Variants in ZNF236 observed in about 807,000 individuals in gnomAD.
ZNF236 encodes the protein regulated by glucose.
In ZNF236, 50 loss-of-function variants were observed where a neutral mutation model predicts 191.2. The ratio of observed to expected loss-of-function variants is 0.26; its 90% confidence interval spans 0.21 to 0.33. ZNF236 has a LOEUF of 0.33. Ranked by LOEUF, ZNF236 falls within the 10% of genes least tolerant of loss-of-function variation. The pLI, the probability that ZNF236 is intolerant of heterozygous loss-of-function variation, is 1.00. For missense variants in ZNF236, 1,754 were observed against 2,374.5 expected, an observed-to-expected ratio of 0.74 and a Z score of 5.43; for synonymous variants, 907 against 928.8, an observed-to-expected ratio of 0.98 and a Z score of 0.43.
intron 3 of ZNF236, among the ~76,000 whole-genome samples, chr18:76,864,197 T>C (rs1392415355): frequency 1.9e-5 from 2 of 106,364 alleles, no homozygotes; most frequent in Non-Finnish European, 3.8e-5. Context: ...AACAAATATC[T>C]TTTTTTTTTT....
At chr18:76,895,960 G>A (rs972132361) in intron 10 of ZNF236, among the ~76,000 whole-genome samples, 2 of 151,878 alleles carry the variant, frequency 1.3e-5, no homozygotes, top group South Asian at 4.2e-4. Flanking sequence ...CCACACACAA[G>A]TATGGCCCGC....
chr18:76,833,394 G>GT (rs1326672220), intron 1 of ZNF236, among the ~76,000 whole-genome samples: 9 of 152,128 alleles, frequency 5.9e-5, no homozygotes, highest in Admixed American at 2.0e-4. Context: ...ATTTTGCTAA[G>GT]TTTTTTATCA....
intron 1 of ZNF236, 21 bp from the exon 2 acceptor site, chr18:76,849,505 T>G: frequency 6.3e-7 from 1 of 1,591,422 alleles, no homozygotes; most frequent in Non-Finnish European, 8.5e-7. Flanking sequence ...ATTTATTGTC[T>G]ATACTTATGC....
rs200171365 is a variant in ZNF236 at position 76,846,207 on chromosome 18, CTTCCAAAGTGCTGGCA to C, written c.56-3316_56-3301del. 3.0e-3 allele frequency among the ~76,000 whole-genome samples: 459 copies of C among 152,362 alleles called. 18 individuals are homozygous for C. The East Asian group carries it at 0.077, about 26-fold the overall frequency. On this transcript the variant is annotated intron_variant, in intron 1 of 30. Coordinates refer to ENST00000320610, the MANE Select transcript of ZNF236 (RefSeq NM_001306089.2). ...CCTCAAGCAGTTCTTCTGCCTCCACCTTCCAAAGTGCTGGCATTACAGACATGAGCCACCATGCCCA... is the reference window on the plus strand; with the variant it reads ...CCTCAAGCAGTTCTTCTGCCTCCACCTTACAGACATGAGCCACCATGCCCA...
At chr18:76,946,824 T>C (rs977950134) in intron 26 of ZNF236, among the ~76,000 whole-genome samples, 18 of 152,250 alleles carry the variant, frequency 1.2e-4, no homozygotes, top group African/African-American at 4.3e-4. Context: ...TGTATATGTG[T>C]TTCTAAGCAA....
intron 1 of ZNF236, among the ~76,000 whole-genome samples, chr18:76,829,549 A>G (rs1975109929): frequency 6.6e-6 from 1 of 152,106 alleles, no homozygotes. Context: ...GCTGGTCTCA[A>G]CTTCCTGGAC....
At chr18:76,844,482 TCAAC>T (rs1413286899) in intron 1 of ZNF236, among the ~76,000 whole-genome samples, 2 of 152,112 alleles carry the variant, frequency 1.3e-5, no homozygotes, top group African/African-American at 2.4e-5. Context: ...GTGAGGAAGA[TCAAC>T]CATATGTTAG....
At position 76,895,439 on chromosome 18, in the gene ZNF236, G is replaced by A. The variant is rs1568217196; in HGVS notation, c.1690+154G>A. 10 of 1,074,662 alleles carry A rather than the reference G, an allele frequency of 9.3e-6. No homozygotes were observed. The South Asian group carries it at 1.4e-4, about 15-fold the overall frequency. The allele number at this position is 1,074,662 out of a possible 1,614,324, so 66.6% of individuals were successfully genotyped here. On this transcript the variant is annotated intron_variant, in intron 10 of 30. Transcript: ENST00000320610. ...GGGACTGCACAAAGTATCACACACA[G>A]TACTGCACGTAAGTGTGGCCCGCAA...
At chr18:76,831,945 A>G (rs1410196406) in intron 1 of ZNF236, among the ~76,000 whole-genome samples, 1 of 152,196 alleles carries the variant, frequency 6.6e-6, no homozygotes, top group Non-Finnish European at 1.5e-5. Context: ...TCTTTTAAAG[A>G]TACCTTCTAA....
Position 76,895,153 on chromosome 18 carries a change from G to A in ZNF236, c.1558G>A (p.Ala520Thr), listed in dbSNP as rs773907012. 48 of 1,608,842 alleles carry A rather than the reference G, an allele frequency of 3.0e-5. No homozygotes were observed. The highest frequency in any genetic ancestry group is 3.3e-4 in the Middle Eastern group (2 of 6,084). ...CTTCAAGTGCCCGCAGTGCTTCCGC[G>A]CCTTCGCCGTGAAGAGCACGCTGAC... is the stretch of plus-strand genomic sequence containing the variant. ...KPFKCPQCFR[A>T]FAVKSTLTAH... The change falls in exon 10 of 31, where the codon GCC (alanine) becomes ACC (threonine). Residue 520 changes from alanine (A) to threonine (T), a missense_variant. This residue lies in a region of ZNF236 where 641 missense variants were observed against 869.6 expected (regional missense o/e 0.74). Transcript: ENST00000320610.
intron 16 of ZNF236, 25 bp downstream of exon 16, chr18:76,910,836 A>T (rs1967200157): frequency 6.2e-7 from 1 of 1,611,874 alleles, no homozygotes. Flanking sequence ...AGGGGTGCAT[A>T]CATGGCAGTA....
chr18:76,935,844 C>A, intron 25 of ZNF236: 1 of 368,272 alleles, frequency 2.7e-6, no homozygotes, highest in South Asian at 2.0e-5. Context: ...CAAGGCCACA[C>A]TCCTCGGGCT....
At chr18:76,921,966 A>G (rs1323104465) in intron 20 of ZNF236, among the ~76,000 whole-genome samples, 2 of 152,142 alleles carry the variant, frequency 1.3e-5, no homozygotes, top group Non-Finnish European at 2.9e-5. Context: ...TGCTCCCCAG[A>G]GATAAGCACT....
intron 1 of ZNF236, among the ~76,000 whole-genome samples, chr18:76,829,618 C>T (rs1357258556): frequency 1.3e-5 from 2 of 152,178 alleles, no homozygotes; most frequent in Non-Finnish European, 2.9e-5. Flanking sequence ...TGAGCCATGG[C>T]ACCCAGCCGG....
intron 1 of ZNF236, among the ~76,000 whole-genome samples, chr18:76,823,125 C>T (rs1398628502): frequency 6.6e-6 from 1 of 151,562 alleles, no homozygotes; most frequent in Admixed American, 6.6e-5. Context: ...GACGGCGCCC[C>T]CGCCCGACCC....
intron 3 of ZNF236, among the ~76,000 whole-genome samples, chr18:76,857,036 T>C (rs1393847475): frequency 6.6e-6 from 1 of 152,114 alleles, no homozygotes; most frequent in Non-Finnish European, 1.5e-5. Context: ...CCGCAGGGCC[T>C]CCCTGCCTCC....
At position 76,972,459 on chromosome 18, in the gene ZNF236, A is replaced by G. The variant is rs1287288152; in HGVS notation, c.*4120A>G. On this transcript the variant is annotated 3_prime_UTR_variant, in exon 31 of 31. Transcript: ENST00000320610. The stretch of plus-strand genomic sequence containing the variant: ...CACTCACCCACACACTCACCCTCAC[A>G]CTCACCCACACACCCTCACACTCAC... Among the ~76,000 whole-genome samples, 2 of 150,718 alleles carry G rather than the reference A, an allele frequency of 1.3e-5. No individual in the cohort carries two copies. Among genetic ancestry groups the G allele is most frequent in the African/African-American group, 4.9e-5 (2 of 40,916 alleles).
At chr18:76,965,666 A>G (rs1968753609) in intron 30 of ZNF236, among the ~76,000 whole-genome samples, 2 of 152,206 alleles carry the variant, frequency 1.3e-5, no homozygotes, top group Admixed American at 6.5e-5. Context: ...TTCTTGGTCT[A>G]GCCGCCCAGC....
intron 11 of ZNF236, among the ~76,000 whole-genome samples, chr18:76,901,016 A>G (rs879783145): frequency 3.9e-5 from 6 of 152,080 alleles, no homozygotes; most frequent in Admixed American, 2.0e-4. Flanking sequence ...AGAATCTAAC[A>G]CTCTTCGGAT....
Sources: gnomAD v4.1 joint callset for allele counts (sites outside exome capture counted in the v4.1 genomes callset) on GRCh38, gnomAD v4.1.1 for gene constraint, gnomAD v4.1.1 regional missense constraint, MANE v1.5 for transcripts, NCBI Gene and HGNC (gene_info 2026-07-23, HGNC 2026-07-21) for gene names.